The following PDE1C variants were observed in gnomAD, a reference collection of about 807,000 sequenced individuals.
The protein encoded by PDE1C is phosphodiesterase 1C.
A neutral mutation model predicts 93.1 loss-of-function variants in PDE1C; 62 were observed. The observed-to-expected ratio is 0.67, with a 90% CI of 0.54 to 0.82. The LOEUF (loss-of-function observed/expected upper bound fraction) is 0.82. PDE1C is among the 40% of genes least tolerant of loss of function. PDE1C has a pLI of 0.00. For synonymous variants in PDE1C, 325 were observed against 310.1 expected (o/e 1.05, Z -0.50); for missense variants, 742 against 884.6 (o/e 0.84, Z 2.04).
the PDE1C span, among the ~76,000 whole-genome samples, chr7:31,691,505 T>C: frequency 1.3e-5 from 2 of 152,144 alleles, no homozygotes; most frequent in South Asian, 4.1e-4. Flanking sequence ...GAAGATTTTC[T>C]ATAAATCTCA....
At chr7:32,362,314 G>A (rs1784151916) in intron 1 of PDE1C, among the ~76,000 whole-genome samples, 1 of 152,048 alleles carries the variant, frequency 6.6e-6, no homozygotes, top group Non-Finnish European at 1.5e-5. Flanking sequence ...TTTCTTCAGG[G>A]GGTGTCCTAG....
At chr7:31,876,621 T>C (rs183049795) in intron 5 of PDE1C, among the ~76,000 whole-genome samples, 391 of 152,340 alleles carry the variant, frequency 2.6e-3, no homozygotes, top group African/African-American at 9.0e-3. Context: ...ACATTCAGGT[T>C]CAATTATGAA....
chr7:31,877,921 CT>C, intron 5 of PDE1C, 48 bp downstream of exon 5: 1 of 1,251,538 alleles, frequency 8.0e-7, no homozygotes. Flanking sequence ...TTTAACTCTA[CT>C]TTTTATTAGG....
intron 3 of PDE1C, among the ~76,000 whole-genome samples, chr7:32,135,607 AG>A (rs1800161789): frequency 6.6e-6 from 1 of 152,198 alleles, no homozygotes; most frequent in Non-Finnish European, 1.5e-5. Context: ...CAAGAAGACA[AG>A]GGATAAATGT....
At chr7:32,068,312 AAAATGTTATT>A in intron 1 of PDE1C, among the ~76,000 whole-genome samples, 1 of 151,374 alleles carries the variant, frequency 6.6e-6, no homozygotes, top group African/African-American at 2.4e-5. Flanking sequence ...GTGGACTGCA[AAAATGTTATT>A]CCAAGTTGTA....
intron 2 of PDE1C, among the ~76,000 whole-genome samples, chr7:31,938,685 A>G (rs1319819374): frequency 6.6e-6 from 1 of 152,174 alleles, no homozygotes; most frequent in Non-Finnish European, 1.5e-5. Context: ...ATAATTCACA[A>G]ATTTTTGTTG....
At chr7:31,856,749 T>C (rs1401996624) in intron 7 of PDE1C, among the ~76,000 whole-genome samples, 2 of 151,332 alleles carry the variant, frequency 1.3e-5, no homozygotes, top group South Asian at 2.1e-4. Context: ...GCATGGCCTC[T>C]GAAGTCAGAG....
chr7:31,976,142 TAAC>T (rs1811632561), intron 2 of PDE1C, among the ~76,000 whole-genome samples: 1 of 152,174 alleles, frequency 6.6e-6, no homozygotes, highest in African/African-American at 2.4e-5. Context: ...TGTTAGCACA[TAAC>T]AAATTAACAT....
chr7:31,830,677 C>T (rs774720036), intron 11 of PDE1C, among the ~76,000 whole-genome samples: 6 of 152,058 alleles, frequency 3.9e-5, no homozygotes, highest in African/African-American at 9.7e-5. Flanking sequence ...AGCTAGACCC[C>T]ATTGCCTAGA....
At chr7:32,379,512 G>A (rs1004835219) in intron 1 of PDE1C, among the ~76,000 whole-genome samples, 1 of 152,112 alleles carries the variant, frequency 6.6e-6, no homozygotes, top group Non-Finnish European at 1.5e-5. Context: ...GCTGAAAAAA[G>A]CAGCCCAATT....
upstream of PDE1C, chr7:32,070,694 C>T: frequency 8.0e-7 from 1 of 1,250,226 alleles, no homozygotes; most frequent in Non-Finnish European, 1.0e-6. Flanking sequence ...GACTCCAGCT[C>T]CAAGAGAAAG....
At chr7:32,123,515 G>C (rs1487319537) in intron 3 of PDE1C, among the ~76,000 whole-genome samples, 1 of 152,146 alleles carries the variant, frequency 6.6e-6, no homozygotes, top group Non-Finnish European at 1.5e-5. Context: ...CCATGATCAA[G>C]TTGGCTTCAT....
intron 1 of PDE1C, among the ~76,000 whole-genome samples, chr7:32,054,316 A>G (rs1227461594): frequency 6.6e-6 from 1 of 152,178 alleles, no homozygotes; most frequent in African/African-American, 2.4e-5. Flanking sequence ...CACCCACACT[A>G]GCTATGAGAC....
chr7:31,754,647 G>A (rs949329977), intron 17 of PDE1C, among the ~76,000 whole-genome samples: 3 of 152,310 alleles, frequency 2.0e-5, no homozygotes, highest in Non-Finnish European at 4.4e-5. Flanking sequence ...TGTAAAGGCT[G>A]TATAGCATAT....
chr7:32,238,049 C>A (rs12701198), intron 1 of PDE1C, among the ~76,000 whole-genome samples: 5 of 151,864 alleles, frequency 3.3e-5, no homozygotes, highest in Non-Finnish European at 7.4e-5. Context: ...GGATTGCAGG[C>A]GTAAACCACC....
At chr7:31,628,279 C>T in the PDE1C span, among the ~76,000 whole-genome samples, 1 of 152,078 alleles carries the variant, frequency 6.6e-6, no homozygotes, top group Non-Finnish European at 1.5e-5. Flanking sequence ...GGAGCACAGG[C>T]AGGGCAGAGA....
chr7:32,420,449 G>T (rs1785407839), intron 1 of PDE1C, among the ~76,000 whole-genome samples: 1 of 139,310 alleles, frequency 7.2e-6, no homozygotes, highest in Non-Finnish European at 1.5e-5. Context: ...AACTACTAGT[G>T]AGGCTCAGGC....
At chr7:31,967,419 G>T (rs1032873325) in intron 2 of PDE1C, among the ~76,000 whole-genome samples, 5 of 151,830 alleles carry the variant, frequency 3.3e-5, no homozygotes, top group African/African-American at 1.2e-4. Flanking sequence ...GGAAGAAGTT[G>T]AATCTCTGAA....
chr7:32,032,517 G>C (rs746100895), intron 2 of PDE1C, among the ~76,000 whole-genome samples: 3 of 152,182 alleles, frequency 2.0e-5, no homozygotes, highest in Non-Finnish European at 4.4e-5. Context: ...CAGGAACACT[G>C]ATTCCCAAAA....
Sources: allele counts gnomAD v4.1 joint callset (sites outside exome capture counted in the v4.1 genomes callset), GRCh38; gene constraint gnomAD v4.1.1; transcripts MANE v1.5; gene names NCBI Gene and HGNC (gene_info 2026-07-23, HGNC 2026-07-21).